The following USP4 variants were observed in gnomAD, a reference collection of about 807,000 sequenced individuals.
USP4 encodes ubiquitin specific peptidase 4, also known as ubiquitin carboxyl-terminal hydrolase 4.
In USP4, 72 loss-of-function variants were observed where a neutral mutation model predicts 118.2. The observed-to-expected ratio is 0.61, with a 90% CI of 0.50 to 0.74. The LOEUF is 0.74. Among genes scored for constraint, USP4 ranks in the 30% least tolerant of loss-of-function variants. USP4 has a pLI of 0.00. For synonymous variants in USP4, 415 were observed against 440.4 expected (o/e 0.94, Z 0.72); for missense variants, 1,037 against 1,185.7 (o/e 0.87, Z 1.84).
At chr3:49,303,797 G>C (rs907566566) in intron 9 of USP4, among the ~76,000 whole-genome samples, 2 of 151,412 alleles carry the variant, frequency 1.3e-5, no homozygotes, top group African/African-American at 4.9e-5. Flanking sequence ...TCTGTTGCCA[G>C]GCTGGAGTGC....
intron 13 of USP4, among the ~76,000 whole-genome samples, chr3:49,297,221 G>A (rs962518878): frequency 1.3e-5 from 2 of 152,170 alleles, no homozygotes; most frequent in East Asian, 3.8e-4. Flanking sequence ...GGAGCAGCAG[G>A]CAAGTTCATG....
At chr3:49,316,760 T>C (rs1029529108) in intron 6 of USP4, 2 of 412,330 alleles carry the variant, frequency 4.9e-6, no homozygotes, top group Non-Finnish European at 8.8e-6. Context: ...CCTGGGCCTC[T>C]GCTGGCTGAG....
chr3:49,325,859 G>T lies in USP4; in HGVS notation c.361-14C>A, dbSNP rs769881430. 18 of 1,612,760 alleles carry T rather than the reference G, an allele frequency of 1.1e-5. No homozygotes were observed. The East Asian group carries it at 3.3e-4, about 30-fold the overall frequency. On this transcript the variant is annotated splice_polypyrimidine_tract_variant and intron_variant, in intron 3 of 21. Transcript: ENST00000265560. ...ATGCTCCACAACCTATGAACAAGAG[G>T]CAGGGGTGAGGGCATAGCGGTTTTG... is the stretch of plus-strand genomic sequence containing the variant.
At chr3:49,278,672 G>A in intron 21 of USP4, 142 bp downstream of exon 21, 6 of 859,184 alleles carry the variant, frequency 7.0e-6, no homozygotes, top group Non-Finnish European at 1.1e-5. Context: ...GAAGGTCCCT[G>A]AAGGAATGCC....
intron 6 of USP4, chr3:49,318,622 CA>C (rs1428450501): frequency 1.0e-6 from 1 of 985,208 alleles, no homozygotes; most frequent in Non-Finnish European, 1.2e-6. Flanking sequence ...TAAATATAAA[CA>C]ACCGGCCAGG....
chr3:49,319,628 T>TGTTTTCTCTGTCTTGC (rs2047478712), intron 6 of USP4, among the ~76,000 whole-genome samples: 1 of 151,718 alleles, frequency 6.6e-6, no homozygotes, highest in African/African-American at 2.4e-5. Flanking sequence ...TTTGTTTGTT[T>TGTTTTCTCTGTCTTGC]TCTGAGATGG....
At chr3:49,309,548 G>A (rs550451792) in intron 8 of USP4, among the ~76,000 whole-genome samples, 3 of 150,660 alleles carry the variant, frequency 2.0e-5, no homozygotes, top group Non-Finnish European at 2.9e-5. Flanking sequence ...GAGCCATTGC[G>A]CCTGGCCAAT....
intron 13 of USP4, 63 bp from the exon 14 acceptor site, chr3:49,294,661 G>C: frequency 6.6e-7 from 1 of 1,516,382 alleles, no homozygotes; most frequent in Non-Finnish European, 9.0e-7. Flanking sequence ...AGAGATCTGA[G>C]CTGAAGCTAT....
At chr3:49,318,556 A>G (rs912558530) in intron 6 of USP4, 2 of 985,228 alleles carry the variant, frequency 2.0e-6, no homozygotes, top group African/African-American at 3.5e-5. Context: ...GGAAGAGAAA[A>G]CTCTGAAAAT....
At chr3:49,326,657 A>T (rs1211274761) in intron 3 of USP4, among the ~76,000 whole-genome samples, 1 of 150,114 alleles carries the variant, frequency 6.7e-6, no homozygotes, top group Non-Finnish European at 1.5e-5. Context: ...AGCCTCCCAA[A>T]GTGCTGGGAT....
intron 6 of USP4, among the ~76,000 whole-genome samples, chr3:49,313,224 G>T (rs1336832368): frequency 1.3e-5 from 2 of 152,046 alleles, no homozygotes; most frequent in African/African-American, 2.4e-5. Flanking sequence ...ATTAGTGAAA[G>T]GCAAAGAAAA....
At chr3:49,279,361 ACAGAATAATCC>A (rs1279489650) in intron 20 of USP4, 1 of 152,458 alleles carries the variant, frequency 6.6e-6, no homozygotes, top group African/African-American at 2.4e-5. Context: ...TCGGGAGCCT[ACAGAATAATCC>A]CAGTTAGAGG....
intron 4 of USP4, 137 bp downstream of exon 4, chr3:49,325,582 A>T (rs1199309869): frequency 7.7e-7 from 1 of 1,303,790 alleles, no homozygotes; most frequent in Non-Finnish European, 1.1e-6. Flanking sequence ...CCAGGTCAGG[A>T]CTGGCAACTA....
At chr3:49,312,699 C>T in intron 6 of USP4, 1 of 313,738 alleles carries the variant, frequency 3.2e-6, no homozygotes, top group Non-Finnish European at 6.3e-6. Context: ...GGCTGAGGGG[C>T]AGGAGAATTG....
At chr3:49,329,687 C>T in intron 2 of USP4, among the ~76,000 whole-genome samples, 1 of 152,090 alleles carries the variant, frequency 6.6e-6, no homozygotes, top group Non-Finnish European at 1.5e-5. Flanking sequence ...AGGTATAAGC[C>T]ACTGCACCAG....
At chr3:49,301,612 C>G (rs965967949) in intron 10 of USP4, among the ~76,000 whole-genome samples, 2 of 151,938 alleles carry the variant, frequency 1.3e-5, no homozygotes, top group African/African-American at 2.4e-5. Context: ...CGCTTGAACC[C>G]GGGAGGTGGA....
Position 49,298,541 on chromosome 3 carries a change from C to A in USP4, c.1596+11G>T, listed in dbSNP as rs767951943. The A allele has an allele frequency of 1.2e-6, 2 of 1,613,876 alleles. No individual in the cohort carries two copies. The highest frequency in any genetic ancestry group is 1.1e-5 in the South Asian group (1 of 91,086). On this transcript the variant is annotated intron_variant, in intron 12 of 21. Transcript: ENST00000265560. ...CAAATAGACCGAGTGCCACTGATCA[C>A]CCCGCCTTACATTTTCTGCAGCAAT... is the stretch of plus-strand genomic sequence containing the variant.
chr3:49,278,284 G>A lies in USP4; in HGVS notation c.*9C>T. 6.2e-7 allele frequency: 1 copy of A among 1,612,410 alleles called. No homozygotes were observed. The highest frequency in any genetic ancestry group is 8.5e-7 in the Non-Finnish European group (1 of 1,179,630). On this transcript the variant is annotated 3_prime_UTR_variant, in exon 22 of 22. Coordinates refer to ENST00000265560, the MANE Select transcript of USP4 (RefSeq NM_003363.4). The stretch of plus-strand genomic sequence containing the variant: ...GGCGCTACAGGGTGGCAGGATCGTG[G>A]AGTCAGCATTAGTTGGTGTCCATGC...
At chr3:49,332,679 T>C (rs1052750141) in intron 2 of USP4, among the ~76,000 whole-genome samples, 2 of 151,928 alleles carry the variant, frequency 1.3e-5, no homozygotes, top group Non-Finnish European at 2.9e-5. Flanking sequence ...TGAAACCCCA[T>C]GGTGAGACTC....
Sources: allele counts gnomAD v4.1 joint callset (sites outside exome capture counted in the v4.1 genomes callset), GRCh38; gene constraint gnomAD v4.1.1; transcripts MANE v1.5; gene names NCBI Gene and HGNC (gene_info 2026-07-23, HGNC 2026-07-21).